OSBPL8: variants seen among roughly 807,000 people sequenced by gnomAD.
The protein encoded by OSBPL8 is oxysterol-binding protein-related protein 8.
Under a neutral mutation model 125.5 loss-of-function variants are expected in OSBPL8, and 59 were observed. That is an observed-to-expected ratio of 0.47 (90% CI 0.38 to 0.58). The LOEUF is 0.58. Among genes scored for constraint, OSBPL8 ranks in the 20% least tolerant of loss-of-function variants. OSBPL8 has a pLI of 0.00. For missense variants in OSBPL8, 758 were observed against 1,047.8 expected (o/e 0.72, Z 3.82); for synonymous variants, 330 against 338.9 (o/e 0.97, Z 0.29).
intron 22 of OSBPL8, among the ~76,000 whole-genome samples, chr12:76,357,035 C>T (rs117713591): frequency 0.04 from 6,071 of 152,232 alleles, 191 homozygotes; most frequent in Admixed American, 0.083. Context: ...CTCTTCTGTT[C>T]CTTGCCCATT....
chr12:76,517,909 T>TA (rs1267682314), intron 1 of OSBPL8, among the ~76,000 whole-genome samples: 1 of 152,162 alleles, frequency 6.6e-6, no homozygotes, highest in African/African-American at 2.4e-5. Context: ...CATAATCCCA[T>TA]ACTTCCCACC....
At chr12:76,364,022 G>A (rs941217478) in intron 21 of OSBPL8, among the ~76,000 whole-genome samples, 5 of 152,216 alleles carry the variant, frequency 3.3e-5, no homozygotes, top group Non-Finnish European at 7.3e-5. Context: ...AGAGGATGTG[G>A]AGAAATAGGA....
chr12:76,405,311 T>G (rs1213314648), intron 5 of OSBPL8, among the ~76,000 whole-genome samples: 1 of 151,998 alleles, frequency 6.6e-6, no homozygotes, highest in East Asian at 1.9e-4. Context: ...ATAAAAAAAT[T>G]AGCTGGGCAT....
chr12:76,486,161 C>T (rs1878109997), intron 2 of OSBPL8: 1 of 323,096 alleles, frequency 3.1e-6, no homozygotes, highest in Admixed American at 4.1e-5. Context: ...TTAAGAACCC[C>T]AAACAAGACT....
At chr12:76,372,745 T>C (rs1952667984) in intron 18 of OSBPL8, among the ~76,000 whole-genome samples, 1 of 152,204 alleles carries the variant, frequency 6.6e-6, no homozygotes, top group South Asian at 2.1e-4. Flanking sequence ...ATTACATAAA[T>C]ATGAATTTAG....
At chr12:76,414,388 T>C (rs985062883) in intron 4 of OSBPL8, among the ~76,000 whole-genome samples, 9 of 150,894 alleles carry the variant, frequency 6.0e-5, no homozygotes, top group Admixed American at 1.3e-4. Flanking sequence ...TATTTGGATA[T>C]AGATATTGAT....
chr12:76,393,039 A>C (rs557531839), intron 9 of OSBPL8, among the ~76,000 whole-genome samples: 1 of 152,246 alleles, frequency 6.6e-6, no homozygotes. Flanking sequence ...AACATGCAGT[A>C]TAATTTGAAG....
chr12:76,377,702 A>G (rs547164479), intron 16 of OSBPL8, among the ~76,000 whole-genome samples: 1 of 152,198 alleles, frequency 6.6e-6, no homozygotes, highest in Non-Finnish European at 1.5e-5. Context: ...ACCGGTTGGA[A>G]GGGAGGATAC....
chr12:76,501,077 GTA>G (rs1378312603), intron 1 of OSBPL8, among the ~76,000 whole-genome samples: 3 of 138,596 alleles, frequency 2.2e-5, no homozygotes, highest in African/African-American at 9.9e-5. Flanking sequence ...TTGAGTAATT[GTA>G]TGTGTGTGTA....
At chr12:76,488,932 G>A (rs137927050) in intron 1 of OSBPL8, among the ~76,000 whole-genome samples, 164 of 152,336 alleles carry the variant, frequency 1.1e-3, no homozygotes, top group African/African-American at 3.6e-3. Flanking sequence ...CAGCCATGTT[G>A]TGAATGCAAA....
At chr12:76,421,299 A>C (rs1478826841) in intron 4 of OSBPL8, among the ~76,000 whole-genome samples, 1 of 152,060 alleles carries the variant, frequency 6.6e-6, no homozygotes, top group Non-Finnish European at 1.5e-5. Flanking sequence ...AACGACTAAA[A>C]TTTACACCAT....
At chr12:76,362,573 T>C (rs1202517296) in intron 21 of OSBPL8, among the ~76,000 whole-genome samples, 4 of 152,166 alleles carry the variant, frequency 2.6e-5, no homozygotes, top group Non-Finnish European at 5.9e-5. Context: ...ACAGCCGATA[T>C]CATACTGAGT....
chr12:76,389,885 AAAC>A (rs1216367591), intron 11 of OSBPL8, 56 bp from the exon 12 acceptor site: 3 of 1,324,064 alleles, frequency 2.3e-6, no homozygotes, highest in Non-Finnish European at 3.0e-6. Flanking sequence ...ACAGATATGT[AAAC>A]AAGCCAGCTA....
chr12:76,367,116 G>C (rs1186479483), intron 21 of OSBPL8, among the ~76,000 whole-genome samples: 1 of 152,030 alleles, frequency 6.6e-6, no homozygotes, highest in Non-Finnish European at 1.5e-5. Context: ...TCTATCTAGA[G>C]GTTCTACCCA....
intron 1 of OSBPL8, among the ~76,000 whole-genome samples, chr12:76,496,112 C>G (rs574257781): frequency 6.6e-6 from 1 of 152,024 alleles, no homozygotes; most frequent in Non-Finnish European, 1.5e-5. Flanking sequence ...CTTTTTTTAA[C>G]GACACATTCT....
chr12:76,470,449 T>G (rs1465296752), intron 2 of OSBPL8, among the ~76,000 whole-genome samples: 3 of 152,348 alleles, frequency 2.0e-5, no homozygotes, highest in African/African-American at 7.2e-5. Context: ...CATGAACATT[T>G]CAGTGTCTGA....
intron 1 of OSBPL8, among the ~76,000 whole-genome samples, chr12:76,530,273 G>A (rs1160153010): frequency 2.2e-5 from 3 of 138,812 alleles, no homozygotes; most frequent in Non-Finnish European, 3.0e-5. Context: ...GCCAAGGCTG[G>A]TTTTGAACTC....
At chr12:76,558,287 T>C (rs547586831) in intron 1 of OSBPL8, among the ~76,000 whole-genome samples, 2 of 152,340 alleles carry the variant, frequency 1.3e-5, no homozygotes, top group South Asian at 2.1e-4. Flanking sequence ...GCATAGAAAC[T>C]GATCATAGCC....
Position 76,355,828 on chromosome 12 carries a change from G to C in OSBPL8, c.*61C>G. Reference sequence around the variant, plus strand: ...TTTTTAATAAAGACCAAACCAACTTGAACACTGGTCCCAGGCCAAATCAGA... The same window carrying C: ...TTTTTAATAAAGACCAAACCAACTTCAACACTGGTCCCAGGCCAAATCAGA... On this transcript the variant is annotated 3_prime_UTR_variant, in exon 24 of 24. Coordinates refer to ENST00000261183, the MANE Select transcript of OSBPL8 (RefSeq NM_020841.5). 1.3e-6 allele frequency: 2 copies of C among 1,544,438 alleles called. No individual in the cohort carries two copies. The highest frequency in any genetic ancestry group is 1.4e-5 in the African/African-American group (1 of 71,582).
Sources: allele counts gnomAD v4.1 joint callset (sites outside exome capture counted in the v4.1 genomes callset), GRCh38; gene constraint gnomAD v4.1.1; transcripts MANE v1.5; gene names NCBI Gene and HGNC (gene_info 2026-07-23, HGNC 2026-07-21).